THADA: variants seen among roughly 807,000 people sequenced by gnomAD.
THADA encodes the protein THADA armadillo repeat containing, also known as tRNA (32-2'-O)-methyltransferase regulator THADA.
Under a neutral mutation model 219.8 loss-of-function variants are expected in THADA, and 213 were observed. That is an observed-to-expected ratio of 0.97 (90% CI 0.87 to 1.09). THADA has a LOEUF of 1.09. Among genes scored for constraint, THADA ranks in the 50% least tolerant of loss-of-function variants. THADA has a pLI of 0.00. For missense variants in THADA, 2,956 were observed against 2,311.3 expected, an observed-to-expected ratio of 1.28 and a Z score of -5.72; for synonymous variants, 1,018 against 828.9, an observed-to-expected ratio of 1.23 and a Z score of -3.92.
intron 30 of THADA, among the ~76,000 whole-genome samples, chr2:43,332,616 A>T (rs762519452): frequency 1.1e-4 from 17 of 152,220 alleles, no homozygotes; most frequent in Non-Finnish European, 2.4e-4. Context: ...TTACATGCTA[A>T]AGGAAAAAAC....
intron 22 of THADA, among the ~76,000 whole-genome samples, chr2:43,516,199 A>G (rs989909388): frequency 6.6e-6 from 1 of 152,110 alleles, no homozygotes; most frequent in Non-Finnish European, 1.5e-5. Context: ...TGTTTTCACT[A>G]TTATAGTCTA....
rs967266944 is a variant in THADA at position 43,320,247 on chromosome 2, G to A, written c.4438+199C>T. Among the ~76,000 whole-genome samples the A allele has an allele frequency of 5.3e-5, 8 of 152,134 alleles. 1 individual carries two copies. The highest frequency in any genetic ancestry group is 3.8e-4 in the East Asian group (2 of 5,198). On this transcript the variant is annotated intron_variant, in intron 31 of 37. Coordinates refer to ENST00000405975, the MANE Select transcript of THADA (RefSeq NM_022065.5). Reference sequence around the variant, plus strand: ...CTGAATGACCAACTAGAAAATAAACGGCAAACTTCCAAATAAACAAGAACA... The same window carrying A: ...CTGAATGACCAACTAGAAAATAAACAGCAAACTTCCAAATAAACAAGAACA...
chr2:43,326,279 T>C (rs1679324898), intron 30 of THADA, among the ~76,000 whole-genome samples: 1 of 151,608 alleles, frequency 6.6e-6, no homozygotes, highest in South Asian at 2.1e-4. Flanking sequence ...AGAGTAACTG[T>C]TTGTCTGGGT....
chr2:43,520,980 G>GAAGGGAGGA lies in THADA; in HGVS notation c.3374+6890_3374+6898dup, dbSNP rs201830534. ...AGAAGGAAGGGAGGAAGGGAGGGAG[G>GAAGGGAGGA]AAGGGAGGAAAGGGAGGAAAGGGAG... is the stretch of plus-strand genomic sequence containing the variant. On this transcript the variant is annotated intron_variant, in intron 22 of 37. Coordinates refer to ENST00000405975, the MANE Select transcript of THADA (RefSeq NM_022065.5). Among the ~76,000 whole-genome samples the GAAGGGAGGA allele has an allele frequency of 9.6e-4, 91 of 94,328 alleles. 1 individual carries two copies. The highest frequency in any genetic ancestry group is 6.9e-3 in the Middle Eastern group (1 of 144). The allele number at this position is 94,328 out of a possible 152,430, so 61.9% of individuals were successfully genotyped here.
At position 43,436,830 on chromosome 2, in the gene THADA, C is replaced by T. The variant is rs1369387497; in HGVS notation, c.3837-6528G>A. 2.0e-5 allele frequency among the ~76,000 whole-genome samples: 3 copies of T among 152,178 alleles called. 1 individual carries two copies. The highest frequency in any genetic ancestry group is 2.0e-4 in the Admixed American group (3 of 15,280). ...AACAAATGCTTTCTTTACAGGAGTACTAAGTGTGTCCTTGGGACTCTATTT... is the reference window on the plus strand; with the variant it reads ...AACAAATGCTTTCTTTACAGGAGTATTAAGTGTGTCCTTGGGACTCTATTT... On this transcript the variant is annotated intron_variant, in intron 26 of 37. Transcript: ENST00000405975.
At chr2:43,511,683 T>C (rs947623036) in intron 22 of THADA, among the ~76,000 whole-genome samples, 6 of 152,162 alleles carry the variant, frequency 3.9e-5, no homozygotes, top group Non-Finnish European at 8.8e-5. Context: ...AACTAAGCAT[T>C]CGTTTATGGT....
chr2:43,410,189 T>A (rs181406188), intron 28 of THADA, among the ~76,000 whole-genome samples: 2 of 152,186 alleles, frequency 1.3e-5, no homozygotes, highest in East Asian at 3.9e-4. Context: ...AAAACCCCAG[T>A]GAAATACTAC....
At chr2:43,325,729 G>C (rs1679246351) in intron 30 of THADA, among the ~76,000 whole-genome samples, 1 of 152,128 alleles carries the variant, frequency 6.6e-6, no homozygotes, top group South Asian at 2.1e-4. Flanking sequence ...GATTTCCCAA[G>C]GGATTGTTTC....
chr2:43,571,197 A>G (rs977996881), intron 13 of THADA, among the ~76,000 whole-genome samples: 4 of 151,370 alleles, frequency 2.6e-5, no homozygotes, highest in Admixed American at 6.6e-5. Context: ...TTGAGGGTAC[A>G]GTGAGCTATG....
intron 25 of THADA, 101 bp from the exon 26 acceptor site, chr2:43,485,426 G>T: frequency 1.3e-6 from 1 of 793,070 alleles, no homozygotes; most frequent in Non-Finnish European, 2.1e-6. Context: ...TACCTAACTG[G>T]CTAGTGTGAG....
intron 22 of THADA, among the ~76,000 whole-genome samples, chr2:43,517,462 ACAAT>A (rs1441673615): frequency 3.9e-5 from 6 of 152,152 alleles, no homozygotes; most frequent in Non-Finnish European, 7.3e-5. Context: ...TATTTACCAA[ACAAT>A]AGTTTACTTA....
At chr2:43,401,243 C>A (rs964887773) in intron 28 of THADA, among the ~76,000 whole-genome samples, 1 of 152,164 alleles carries the variant, frequency 6.6e-6, no homozygotes, top group Non-Finnish European at 1.5e-5. Flanking sequence ...TTATTGACTG[C>A]CTACCATGTC....
At chr2:43,411,553 T>C (rs1676307349) in intron 28 of THADA, among the ~76,000 whole-genome samples, 1 of 152,170 alleles carries the variant, frequency 6.6e-6, no homozygotes, top group Admixed American at 6.5e-5. Context: ...ATTTGCTTAT[T>C]CCATCATGAA....
At chr2:43,241,721 C>A (rs1668640107) in intron 36 of THADA, among the ~76,000 whole-genome samples, 1 of 151,986 alleles carries the variant, frequency 6.6e-6, no homozygotes, top group Non-Finnish European at 1.5e-5. Flanking sequence ...AGAGCGGTGG[C>A]CACGCCTACA....
At chr2:43,235,734 G>A (rs566593054) in intron 36 of THADA, among the ~76,000 whole-genome samples, 1 of 152,098 alleles carries the variant, frequency 6.6e-6, no homozygotes, top group Non-Finnish European at 1.5e-5. Flanking sequence ...CTATGGGGGT[G>A]ACCAGAGATG....
intron 21 of THADA, among the ~76,000 whole-genome samples, chr2:43,529,149 C>CT (rs201480981): frequency 4.0e-5 from 6 of 151,034 alleles, no homozygotes; most frequent in South Asian, 2.1e-4. Flanking sequence ...ACAAATATGA[C>CT]TTTTTTTAAA....
intron 36 of THADA, among the ~76,000 whole-genome samples, chr2:43,236,100 C>T (rs186461545): frequency 8.5e-5 from 13 of 152,328 alleles, no homozygotes; most frequent in East Asian, 5.8e-4. Context: ...TGAGCCACCA[C>T]GCCTGGCCCA....
chr2:43,467,181 C>CAAAAAAA (rs70963399), intron 26 of THADA, among the ~76,000 whole-genome samples: 11 of 58,398 alleles, frequency 1.9e-4, no homozygotes, highest in Non-Finnish European at 2.9e-4. Context: ...GACTCCGTCT[C>CAAAAAAA]AAAAAAAAAA....
At chr2:43,373,263 AATG>A (rs1273535062) in intron 29 of THADA, among the ~76,000 whole-genome samples, 1 of 152,180 alleles carries the variant, frequency 6.6e-6, no homozygotes, top group Non-Finnish European at 1.5e-5. Context: ...TTAAATCATA[AATG>A]ATGTTCAAGA....
Sources: gnomAD v4.1 joint callset for allele counts (sites outside exome capture counted in the v4.1 genomes callset) on GRCh38, gnomAD v4.1.1 for gene constraint, MANE v1.5 for transcripts, NCBI Gene and HGNC (gene_info 2026-07-23, HGNC 2026-07-21) for gene names.